TSPAN5: variants seen among roughly 807,000 people sequenced by gnomAD.
TSPAN5 encodes tetraspanin-5.
TSPAN5 carries 10 observed loss-of-function variants against 37.1 expected under a neutral mutation model. The observed-to-expected ratio is 0.27, with a 90% CI of 0.17 to 0.46. The LOEUF (loss-of-function observed/expected upper bound fraction) is 0.46, where lower values mean the gene tolerates loss of function less well. Ranked by LOEUF, TSPAN5 falls within the 20% of genes least tolerant of loss-of-function variation. The probability of loss-of-function intolerance (pLI) is 1.00; values close to 1 mark genes in which losing one functional copy is unlikely to be tolerated. For missense variants in TSPAN5, 195 were observed against 326.6 expected, an observed-to-expected ratio of 0.60 and a Z score of 3.11; for synonymous variants, 110 against 118.9, an observed-to-expected ratio of 0.93 and a Z score of 0.48.
intron 1 of TSPAN5, among the ~76,000 whole-genome samples, chr4:98,516,586 G>C (rs1463271835): frequency 6.6e-6 from 1 of 152,196 alleles, no homozygotes; most frequent in Non-Finnish European, 1.5e-5. Context: ...TTCTGCTATG[G>C]TTTGAGCACG....
rs1755840309 is a variant in TSPAN5 at position 98,599,694 on chromosome 4, A to G, written c.81+58452T>C. Among the ~76,000 whole-genome samples the G allele has an allele frequency of 2.6e-5, 4 of 152,154 alleles. No homozygotes were observed. The South Asian group carries it at 6.2e-4, about 24-fold the overall frequency. On this transcript the variant is annotated intron_variant, in intron 1 of 7. Coordinates refer to ENST00000305798, the MANE Select transcript of TSPAN5 (RefSeq NM_005723.4). Reference sequence around the variant, plus strand: ...AATGAACATTGTATGTGGTCTTCTGAGTTTTATTCCTTTGACTGCACAATT... The same window carrying G: ...AATGAACATTGTATGTGGTCTTCTGGGTTTTATTCCTTTGACTGCACAATT...
intron 1 of TSPAN5, among the ~76,000 whole-genome samples, chr4:98,531,182 C>T (rs1754076238): frequency 6.6e-6 from 1 of 152,170 alleles, no homozygotes; most frequent in Non-Finnish European, 1.5e-5. Context: ...CAACCTGTCA[C>T]CTACATTAGG....
At position 98,496,116 on chromosome 4, in the gene TSPAN5, T is replaced by C. The variant is rs562703074; in HGVS notation, c.133-9232A>G. Among the ~76,000 whole-genome samples, 250 of 152,274 alleles carry C rather than the reference T, an allele frequency of 1.6e-3. 3 individuals carry two copies. Among genetic ancestry groups the C allele is most frequent in the African/African-American group, 5.8e-3 (240 of 41,544 alleles). ...CCTAGTGAGAAAGGGTAACGAGGAA[T>C]GACATTTCAAAGAAAATACAGCTAC... On this transcript the variant is annotated intron_variant, in intron 2 of 7. Transcript: ENST00000305798.
intron 1 of TSPAN5, among the ~76,000 whole-genome samples, chr4:98,509,067 T>C (rs1479840486): frequency 6.6e-6 from 1 of 152,206 alleles, no homozygotes; most frequent in Non-Finnish European, 1.5e-5. Flanking sequence ...CTGTGTGTAA[T>C]TGGCCATGAG....
At chr4:98,631,846 G>A (rs749837074) in intron 1 of TSPAN5, among the ~76,000 whole-genome samples, 4 of 152,174 alleles carry the variant, frequency 2.6e-5, no homozygotes, top group Non-Finnish European at 5.9e-5. Context: ...TGTCTCTGGG[G>A]ACTCGGCCAT....
Position 98,535,759 on chromosome 4 carries a change from CTTCT to C in TSPAN5, c.82-28035_82-28032del, listed in dbSNP as rs376714721. ...TTTATTCTTTTTTCTCTAATCTTGT[CTTCT>C]TTCTTTATTTCATTAAGTTGATCTT... On this transcript the variant is annotated intron_variant, in intron 1 of 7. Coordinates refer to ENST00000305798, the MANE Select transcript of TSPAN5 (RefSeq NM_005723.4). Among the ~76,000 whole-genome samples, 150 of 152,178 alleles carry C rather than the reference CTTCT, an allele frequency of 9.9e-4. 2 individuals are homozygous for C. The highest frequency in any genetic ancestry group is 3.3e-3 in the African/African-American group (135 of 41,528).
intron 1 of TSPAN5, among the ~76,000 whole-genome samples, chr4:98,553,509 A>T (rs1364784748): frequency 6.6e-6 from 1 of 152,224 alleles, no homozygotes; most frequent in African/African-American, 2.4e-5. Flanking sequence ...CAACGTAATA[A>T]TACAATTTAA....
intron 1 of TSPAN5, chr4:98,574,822 T>TAA (rs1344014666): frequency 2.0e-5 from 3 of 152,304 alleles, no homozygotes; most frequent in African/African-American, 7.2e-5. Flanking sequence ...CTGAAGAAGT[T>TAA]AGAGGCCGCT....
intron 1 of TSPAN5, among the ~76,000 whole-genome samples, chr4:98,547,017 G>A (rs956317973): frequency 6.6e-6 from 1 of 152,236 alleles, no homozygotes. Flanking sequence ...GCACACGGCT[G>A]ATGTGGAAAC....
chr4:98,492,517 C>T (rs1163524646), intron 2 of TSPAN5, among the ~76,000 whole-genome samples: 1 of 152,128 alleles, frequency 6.6e-6, no homozygotes, highest in African/African-American at 2.4e-5. Context: ...AACACAAAAG[C>T]TTTGAATACA....
chr4:98,534,123 G>T (rs1754176517), intron 1 of TSPAN5, among the ~76,000 whole-genome samples: 1 of 151,936 alleles, frequency 6.6e-6, no homozygotes, highest in Non-Finnish European at 1.5e-5. Context: ...GTCAATTTTA[G>T]ATCTTTCCTG....
At chr4:98,569,092 T>C (rs1198431384) in intron 1 of TSPAN5, among the ~76,000 whole-genome samples, 2 of 152,212 alleles carry the variant, frequency 1.3e-5, no homozygotes, top group South Asian at 2.1e-4. Flanking sequence ...GGACTTAACC[T>C]TGATGCCATC....
At chr4:98,640,310 C>CG (rs1756937455) in intron 1 of TSPAN5, among the ~76,000 whole-genome samples, 2 of 152,174 alleles carry the variant, frequency 1.3e-5, no homozygotes, top group African/African-American at 4.8e-5. Flanking sequence ...AAATTTATTT[C>CG]AGATTCAACT....
intron 1 of TSPAN5, among the ~76,000 whole-genome samples, chr4:98,515,512 G>GCT (rs59536964): frequency 6.6e-4 from 97 of 146,706 alleles, no homozygotes; most frequent in Middle Eastern, 7.1e-3. Context: ...GTGATCAGAG[G>GCT]CTCTCTCTCT....
intron 4 of TSPAN5, among the ~76,000 whole-genome samples, chr4:98,479,174 G>A (rs1484655412): frequency 6.6e-6 from 1 of 152,174 alleles, no homozygotes; most frequent in African/African-American, 2.4e-5. Flanking sequence ...AGACACTAAC[G>A]ACAGTGGTAG....
At chr4:98,479,564 A>G (rs753783888) in intron 4 of TSPAN5, among the ~76,000 whole-genome samples, 12 of 152,192 alleles carry the variant, frequency 7.9e-5, no homozygotes, top group Non-Finnish European at 1.5e-4. Flanking sequence ...TGGAGAGCCT[A>G]TAAACAGACA....
rs76070565 is a variant in TSPAN5 at position 98,655,617 on chromosome 4, T to C, written c.81+2529A>G. ...GAAAATGAAAATTAGGAAACCATGC[T>C]GTTGGCAATCTCTTCTTCATAATTG... On this transcript the variant is annotated intron_variant, in intron 1 of 7. Coordinates refer to ENST00000305798, the MANE Select transcript of TSPAN5 (RefSeq NM_005723.4). Among the ~76,000 whole-genome samples, 1,361 of 152,362 alleles carry C rather than the reference T, an allele frequency of 8.9e-3. 16 individuals carry two copies. Among genetic ancestry groups the C allele is most frequent in the African/African-American group, 0.03 (1,267 of 41,576 alleles).
intron 1 of TSPAN5, among the ~76,000 whole-genome samples, chr4:98,604,922 T>G (rs756772804): frequency 2.6e-5 from 4 of 152,162 alleles, no homozygotes; most frequent in Non-Finnish European, 5.9e-5. Context: ...CTCAACCCTT[T>G]TCTCCCACTC....
chr4:98,550,824 C>A (rs1754598805), intron 1 of TSPAN5, among the ~76,000 whole-genome samples: 1 of 152,090 alleles, frequency 6.6e-6, no homozygotes, highest in Non-Finnish European at 1.5e-5. Flanking sequence ...CATCAGTGAA[C>A]AGGGATAATT....
Sources: allele counts gnomAD v4.1 joint callset (sites outside exome capture counted in the v4.1 genomes callset), GRCh38; gene constraint gnomAD v4.1.1; transcripts MANE v1.5; gene names NCBI Gene and HGNC (gene_info 2026-07-23, HGNC 2026-07-21).